The following EEF1AKMT1 variants were observed in gnomAD, a reference collection of about 807,000 sequenced individuals.
The protein encoded by EEF1AKMT1 is N-6 adenine-specific DNA methyltransferase 2 (putative).
Under a neutral mutation model 21.0 loss-of-function variants are expected in EEF1AKMT1, and 18 were observed. The observed-to-expected ratio is 0.86, with a 90% CI of 0.59 to 1.27. The LOEUF is 1.27. EEF1AKMT1 is among the 50% of genes most tolerant of loss of function. EEF1AKMT1 has a pLI of 0.00. For synonymous variants in EEF1AKMT1, 109 were observed against 94.8 expected (o/e 1.15, Z -0.87); for missense variants, 246 against 258.6 (o/e 0.95, Z 0.33).
In EEF1AKMT1 at chr13:20,755,011, G is replaced by A. The variant is rs150139488; in HGVS notation, c.144+2444C>T. Among the ~76,000 whole-genome samples, 588 of 152,342 alleles carry A rather than the reference G, an allele frequency of 3.9e-3. 9 individuals carry two copies. The highest frequency in any genetic ancestry group is 0.013 in the African/African-American group (558 of 41,584). ...AGGATTCCAGGTGGGAACAGCAGTA[G>A]CTGTGCTATTCTTAGGGAGGGTGGT... On this transcript the variant is annotated intron_variant, in intron 2 of 4. Coordinates refer to ENST00000382758, the MANE Select transcript of EEF1AKMT1 (RefSeq NM_001318939.2).
In EEF1AKMT1 at chr13:20,746,571, C is replaced by T. The variant is rs767537211; in HGVS notation, c.145-8766G>A. Among the ~76,000 whole-genome samples, 21 of 152,302 alleles carry T rather than the reference C, an allele frequency of 1.4e-4. No individual in the cohort carries two copies. In the South Asian group the frequency reaches 2.3e-3, roughly 17 times the overall value. On this transcript the variant is annotated intron_variant, in intron 2 of 4. Coordinates refer to ENST00000382758, the MANE Select transcript of EEF1AKMT1 (RefSeq NM_001318939.2). The stretch of plus-strand genomic sequence containing the variant: ...GAAGGGCTTTGAGTTCACTTGATTT[C>T]GGAGGTGGCAGACAGTATCTGCTAT...
intron 3 of EEF1AKMT1, among the ~76,000 whole-genome samples, chr13:20,736,280 A>C (rs903578477): frequency 1.3e-5 from 2 of 152,226 alleles, no homozygotes; most frequent in African/African-American, 4.8e-5. Context: ...AAGTTTGGAG[A>C]CAATGGAGCA....
intron 1 of EEF1AKMT1, among the ~76,000 whole-genome samples, chr13:20,758,307 A>G: frequency 6.6e-6 from 1 of 152,184 alleles, no homozygotes; most frequent in East Asian, 1.9e-4. Context: ...ATAATAACTT[A>G]ACTCTTTCAA....
intron 1 of EEF1AKMT1, among the ~76,000 whole-genome samples, chr13:20,766,298 C>CAAAAAAAAAAAAAAAAGAAAAA (rs2059031578): frequency 1.3e-5 from 1 of 76,766 alleles, no homozygotes; most frequent in Non-Finnish European, 2.3e-5. Flanking sequence ...GACTCCATCT[C>CAAAAAAAAAAAAAAAAGAAAAA]AAAAAAAAAA....
chr13:20,731,984 T>C lies in EEF1AKMT1; in HGVS notation c.365A>G (p.Asn122Ser). 2 of 1,614,224 alleles carry C rather than the reference T, an allele frequency of 1.2e-6. No individual in the cohort carries two copies. Among genetic ancestry groups the C allele is most frequent in the Non-Finnish European group, 8.5e-7 (1 of 1,180,050 alleles). ...AATTCTTTCGGGTAAGTCCAATGGA[T>C]TATTGTAATCATAGAAAATAAACTC... ...GEEFIFYDYN[N>S]PLDLPERIAA... The change falls in exon 4 of 5, where the codon AAT becomes AGT. Residue 122 changes from asparagine to serine, a missense_variant. Asn to Ser is a conservative substitution (Grantham distance 46). Transcript: ENST00000382758.
At chr13:20,753,904 A>G (rs1191817316) in intron 2 of EEF1AKMT1, among the ~76,000 whole-genome samples, 1 of 152,148 alleles carries the variant, frequency 6.6e-6, no homozygotes, top group Non-Finnish European at 1.5e-5. Flanking sequence ...TCTAAGAGGA[A>G]AGTGTAATCC....
intron 2 of EEF1AKMT1, among the ~76,000 whole-genome samples, chr13:20,739,129 A>G (rs188886050): frequency 2.4e-4 from 37 of 152,248 alleles, no homozygotes; most frequent in Non-Finnish European, 2.8e-4. Flanking sequence ...ACAACTCCTA[A>G]GATGGCACAT....
At chr13:20,737,323 C>T (rs979489205) in intron 3 of EEF1AKMT1, among the ~76,000 whole-genome samples, 5 of 152,192 alleles carry the variant, frequency 3.3e-5, no homozygotes, top group African/African-American at 9.6e-5. Context: ...AAGATCGCAC[C>T]ACTCTGCACT....
intron 3 of EEF1AKMT1, among the ~76,000 whole-genome samples, chr13:20,732,983 A>T (rs920640519): frequency 5.3e-5 from 8 of 152,326 alleles, no homozygotes; most frequent in Admixed American, 2.0e-4. Flanking sequence ...CTATCTCATT[A>T]CAGCAGCCCA....
At chr13:20,763,210 TC>T (rs1194525831) in intron 1 of EEF1AKMT1, among the ~76,000 whole-genome samples, 3 of 152,164 alleles carry the variant, frequency 2.0e-5, no homozygotes, top group Non-Finnish European at 4.4e-5. Context: ...CTGTGTACAA[TC>T]AGTGCTAACG....
At chr13:20,747,066 T>C (rs1468036530) in intron 2 of EEF1AKMT1, 1 of 155,384 alleles carries the variant, frequency 6.4e-6, no homozygotes, top group African/African-American at 2.4e-5. Context: ...ACAGGACAAA[T>C]AAAACTAGAC....
At chr13:20,738,603 G>A (rs2058841897) in intron 2 of EEF1AKMT1, among the ~76,000 whole-genome samples, 1 of 152,042 alleles carries the variant, frequency 6.6e-6, no homozygotes, top group African/African-American at 2.4e-5. Context: ...ATCAACTAAT[G>A]GATAGAAAAA....
chr13:20,766,292 C>T (rs1289844519), intron 1 of EEF1AKMT1, among the ~76,000 whole-genome samples: 2 of 87,460 alleles, frequency 2.3e-5, no homozygotes, highest in Non-Finnish European at 4.3e-5. Flanking sequence ...CAGTGAGACT[C>T]CATCTCAAAA....
Position 20,757,546 on chromosome 13 carries a change from GC to G in EEF1AKMT1, c.52del (p.Ala18GlnfsTer26). 6.2e-7 allele frequency: 1 copy of G among 1,614,152 alleles called. No homozygotes were observed. Among genetic ancestry groups the G allele is most frequent in the Non-Finnish European group, 8.5e-7 (1 of 1,180,010 alleles). ...ETPQLSAHALAALQEFYAEQK... is the reference protein window; with the variant it reads ...ETPQLSAHALXALQEFYAEQK... ...CTCAGCATAAAATTCCTGGAGAGCT[GC>G]TAAGGCATGGGCAGAAAGCTGGGGT... On this transcript the variant is annotated frameshift_variant, in exon 2 of 5. Coordinates refer to ENST00000382758, the MANE Select transcript of EEF1AKMT1 (RefSeq NM_001318939.2).
intron 1 of EEF1AKMT1, 42 bp from the exon 2 acceptor site, chr13:20,757,659 C>T: frequency 6.8e-7 from 1 of 1,464,074 alleles, no homozygotes; most frequent in Non-Finnish European, 9.2e-7. Context: ...ATTTTGTTTC[C>T]CCTTCCCAGC....
chr13:20,758,474 A>G (rs1267054555), intron 1 of EEF1AKMT1, among the ~76,000 whole-genome samples: 15 of 152,172 alleles, frequency 9.9e-5, no homozygotes, highest in Non-Finnish European at 4.4e-5. Flanking sequence ...TTTCTTCTGA[A>G]TAATTTTATT....
chr13:20,764,910 C>CACACAG, intron 1 of EEF1AKMT1, among the ~76,000 whole-genome samples: 1 of 150,640 alleles, frequency 6.6e-6, no homozygotes, highest in East Asian at 1.9e-4. Context: ...CACACACACA[C>CACACAG]ACACACACCC....
At chr13:20,750,306 T>C (rs1422998823) in intron 2 of EEF1AKMT1, among the ~76,000 whole-genome samples, 1 of 152,144 alleles carries the variant, frequency 6.6e-6, no homozygotes, top group African/African-American at 2.4e-5. Flanking sequence ...TCCTTCTATT[T>C]AGCTATATGG....
intron 1 of EEF1AKMT1, among the ~76,000 whole-genome samples, chr13:20,772,025 T>G (rs557417919): frequency 6.6e-6 from 1 of 151,984 alleles, no homozygotes; most frequent in South Asian, 2.1e-4. Flanking sequence ...AAAAAAAAAT[T>G]AAATTAAATG....
Sources: gnomAD v4.1 joint callset for allele counts (sites outside exome capture counted in the v4.1 genomes callset) on GRCh38, gnomAD v4.1.1 for gene constraint, MANE v1.5 for transcripts, NCBI Gene and HGNC (gene_info 2026-07-23, HGNC 2026-07-21) for gene names.